KLK3: variants seen among roughly 807,000 people sequenced by gnomAD.
KLK3 encodes prostate-specific antigen.
A neutral mutation model predicts 27.7 loss-of-function variants in KLK3; 23 were observed. That is an observed-to-expected ratio of 0.83 (90% CI 0.60 to 1.17). The LOEUF (loss-of-function observed/expected upper bound fraction) is 1.17, where lower values mean the gene tolerates loss of function less well. Ranked by LOEUF, KLK3 falls within the 50% of genes most tolerant of loss-of-function variation. The pLI is 0.00. For missense variants in KLK3, 322 were observed against 338.1 expected (o/e 0.95, Z 0.37); for synonymous variants, 142 against 134.2 (o/e 1.06, Z -0.40).
chr19:50,859,479 G>T lies in KLK3; in HGVS notation c.631-493G>T, dbSNP rs750990301. 1.3e-5 allele frequency: 19 copies of T among 1,489,890 alleles called. 1 individual carries two copies. Among genetic ancestry groups the T allele is most frequent in the African/African-American group, 1.1e-4 (8 of 72,018 alleles). 92.3% of individuals were successfully genotyped at this position (1,489,890 alleles called of 1,614,324 possible). A position where few individuals can be genotyped will look rare whatever the true frequency, so the allele number is the denominator to read the frequency against. ...GGCCCTTACCCAGCCTCCCTCACAG[G>T]CTCCTGGCCCTCAGTCTCTCCCCTC... On this transcript the variant is annotated intron_variant, in intron 4 of 4. Coordinates refer to ENST00000326003, the MANE Select transcript of KLK3 (RefSeq NM_001648.2).
intron 2 of KLK3, 164 bp downstream of exon 2, chr19:50,856,563 C>T: frequency 1.4e-6 from 1 of 723,384 alleles, no homozygotes; most frequent in Non-Finnish European, 2.2e-6. Flanking sequence ...GCTGGACCAC[C>T]CTCCCCATGG....
chr19:50,855,177 C>T (rs1259072772), intron 1 of KLK3, 176 bp downstream of exon 1: 4 of 625,866 alleles, frequency 6.4e-6, no homozygotes, highest in Middle Eastern at 4.1e-4. Flanking sequence ...TGCAACAGTC[C>T]TCACTCCCAC....
intron 1 of KLK3, 117 bp downstream of exon 1, chr19:50,855,118 C>A: frequency 9.8e-7 from 1 of 1,024,052 alleles, no homozygotes; most frequent in Non-Finnish European, 1.5e-6. Flanking sequence ...GGGCTCTTTT[C>A]TGTCTCTCCC....
chr19:50,858,721 C>G (rs144992202), intron 4 of KLK3, 126 bp downstream of exon 4: 1 of 1,030,500 alleles, frequency 9.7e-7, no homozygotes. Context: ...ATGCCACCTC[C>G]CCGTGTCTCA....
intron 2 of KLK3, among the ~76,000 whole-genome samples, chr19:50,857,179 A>G (rs183843178): frequency 3.0e-4 from 43 of 145,358 alleles, no homozygotes; most frequent in South Asian, 6.4e-4. Flanking sequence ...AAAAAAAAAA[A>G]AAAAGAAAAG....
chr19:50,858,969 G>T, intron 4 of KLK3: 1 of 392,598 alleles, frequency 2.5e-6, no homozygotes, highest in Non-Finnish European at 4.5e-6. Context: ...AAAAGCTGGA[G>T]GGTGTCAGGA....
chr19:50,858,628 G>A, intron 4 of KLK3, 33 bp downstream of exon 4: 2 of 1,613,242 alleles, frequency 1.2e-6, no homozygotes. Flanking sequence ...ATCTTGAGGG[G>A]AAAGGTGAGT....
At chr19:50,857,873 C>G (rs552338826) in intron 2 of KLK3, 156 bp from the exon 3 acceptor site, 5 of 693,708 alleles carry the variant, frequency 7.2e-6, no homozygotes, top group Non-Finnish European at 1.2e-5. Context: ...TTTCCCAACT[C>G]GTTGTCTGTA....
chr19:50,859,623 A>T lies in KLK3; in HGVS notation c.631-349A>T, dbSNP rs778955963. On this transcript the variant is annotated intron_variant, in intron 4 of 4. Coordinates refer to ENST00000326003, the MANE Select transcript of KLK3 (RefSeq NM_001648.2). ...CTGGAGAGGAGGTGTCTAGTCAGAG[A>T]GTAGTCCTGGAAGGTGGCCTCTGTG... is the stretch of plus-strand genomic sequence containing the variant. 1.3e-5 allele frequency: 21 copies of T among 1,612,924 alleles called. No homozygotes were observed. In the Admixed American group the frequency reaches 1.5e-4, roughly 12 times the overall value.
At chr19:50,855,171 A>G in intron 1 of KLK3, 170 bp downstream of exon 1, 2 of 641,734 alleles carry the variant, frequency 3.1e-6, no homozygotes, top group Non-Finnish European at 5.5e-6. Flanking sequence ...CCATATTGCA[A>G]CAGTCCTCAC....
intron 2 of KLK3, 75 bp downstream of exon 2, chr19:50,856,474 A>T: frequency 6.5e-7 from 1 of 1,547,098 alleles, no homozygotes; most frequent in Non-Finnish European, 8.8e-7. Context: ...TTTCCCCAGG[A>T]TAACCTCTAA....
rs769439514 is a variant in KLK3, at chr19:50,858,147, C to T, written c.325C>T (p.Arg109Ter). The T allele has an allele frequency of 2.2e-5, 36 of 1,614,012 alleles. No individual in the cohort carries two copies. The highest frequency in any genetic ancestry group is 2.5e-5 in the Non-Finnish European group (30 of 1,180,012). The change falls in exon 3 of 5, where the codon CGA becomes TGA. Residue 109 changes from arginine (R) to a stop codon, truncating the protein, a stop_gained. Transcript: ENST00000326003. LOFTEE classifies it high-confidence loss of function. Reference sequence around the variant, plus strand: ...CTACGATATGAGCCTCCTGAAGAATCGATTCCTCAGGCCAGGTGATGACTC... The same window carrying T: ...CTACGATATGAGCCTCCTGAAGAATTGATTCCTCAGGCCAGGTGATGACTC... ...PLYDMSLLKN[R>*]FLRPGDDSSH...
At chr19:50,858,345 A>G in intron 3 of KLK3, 30 bp downstream of exon 3, 1 of 1,605,144 alleles carries the variant, frequency 6.2e-7, no homozygotes. Context: ...TGCAGCCGGG[A>G]GCCCAGATGC....
At position 50,858,125 on chromosome 19, in the gene KLK3, C is replaced by T. The variant is rs374344392; in HGVS notation, c.303C>T (p.Tyr101=). ...GCCACAGCTTCCCACACCCGCTCTA[C>T]GATATGAGCCTCCTGAAGAATCGAT... ...QVSHSFPHPL[Y]DMSLLKNRFL... is the part of the protein sequence containing the mutation. Residue 101 remains tyrosine (Y), a synonymous_variant, in exon 3 of 5, where the codon TAC becomes TAT. Transcript: ENST00000326003. 75 of 1,614,116 alleles carry T rather than the reference C, an allele frequency of 4.6e-5. No homozygotes were observed. Among genetic ancestry groups the T allele is most frequent in the Admixed American group, 1.3e-4 (8 of 60,020 alleles).
intron 1 of KLK3, 188 bp downstream of exon 1, chr19:50,855,189 C>CCAGCGGGGACCAA (rs2090139372): frequency 1.7e-6 from 1 of 602,422 alleles, no homozygotes; most frequent in East Asian, 2.8e-5. Flanking sequence ...CACTCCCACA[C>CCAGCGGGGACCAA]CAGGTCCCCG....
intron 4 of KLK3, 71 bp downstream of exon 4, chr19:50,858,666 A>G: frequency 6.3e-7 from 1 of 1,581,962 alleles, no homozygotes; most frequent in Non-Finnish European, 8.6e-7. Flanking sequence ...GCTGGGGTCT[A>G]GAAGCCAACA....
At position 50,859,995 on chromosome 19, in the gene KLK3, C is replaced by T; in HGVS notation, c.654C>T (p.Val218=). The part of the protein sequence containing the change: ...TCSGDSGGPL[V]CNGVLQGITS... ...AGGGTGATTCTGGGGGCCCACTTGT[C>T]TGTAATGGTGTGCTTCAAGGTATCA... The change falls in exon 5 of 5, where the codon GTC becomes GTT. Residue 218 remains valine (V), a synonymous_variant. Coordinates refer to ENST00000326003, the MANE Select transcript of KLK3 (RefSeq NM_001648.2). 1 of 1,613,616 alleles carries T rather than the reference C, an allele frequency of 6.2e-7. No homozygotes were observed.
chr19:50,859,920 A>G, intron 4 of KLK3, 52 bp from the exon 5 acceptor site: 2 of 1,559,308 alleles, frequency 1.3e-6, no homozygotes, highest in Non-Finnish European at 8.7e-7. Flanking sequence ...AGGATTGCCC[A>G]GGCAGAAACT....
intron 3 of KLK3, 36 bp from the exon 4 acceptor site, chr19:50,858,423 G>A (rs1329521775): frequency 6.2e-7 from 1 of 1,613,162 alleles, no homozygotes; most frequent in Non-Finnish European, 8.5e-7. Context: ...ACCAGGTGGG[G>A]TCCAGCCCAC....
Sources: gnomAD v4.1 joint callset for allele counts (sites outside exome capture counted in the v4.1 genomes callset) on GRCh38, gnomAD v4.1.1 for gene constraint, MANE v1.5 for transcripts, NCBI Gene and HGNC (gene_info 2026-07-23, HGNC 2026-07-21) for gene names.